The following PDK1 variants were observed in gnomAD, a reference collection of about 807,000 sequenced individuals.
The protein encoded by PDK1 is pyruvate dehydrogenase kinase 1.
PDK1 carries 39 observed loss-of-function variants against 54.2 expected under a neutral mutation model. The ratio of observed to expected loss-of-function variants is 0.72; its 90% confidence interval spans 0.56 to 0.94. The LOEUF is 0.94. Ranked by LOEUF, PDK1 falls within the 40% of genes least tolerant of loss-of-function variation. The pLI, the probability that PDK1 is intolerant of heterozygous loss-of-function variation, is 0.00. For synonymous variants in PDK1, 221 were observed against 207.1 expected, an observed-to-expected ratio of 1.07 and a Z score of -0.58; for missense variants, 552 against 566.0, an observed-to-expected ratio of 0.98 and a Z score of 0.25.
At chr2:172,579,880 C>T (rs1277924318) in intron 8 of PDK1, among the ~76,000 whole-genome samples, 1 of 151,904 alleles carries the variant, frequency 6.6e-6, no homozygotes, top group Admixed American at 6.6e-5. Flanking sequence ...GGATGTTGGG[C>T]TTCATGACAT....
At chr2:172,611,839 A>G (rs1691473180), downstream of PDK1, among the ~76,000 whole-genome samples, 1 of 152,264 alleles carries the variant, frequency 6.6e-6, no homozygotes, top group African/African-American at 2.4e-5. Flanking sequence ...CAAAATTCAC[A>G]TCTATTCAAA....
At chr2:172,631,612 G>T in the PDK1 span, among the ~76,000 whole-genome samples, 996 of 152,248 alleles carry the variant, frequency 6.5e-3, 10 homozygotes, top group African/African-American at 0.022. Context: ...TGAGTAAAAA[G>T]ATCTCACAGA....
chr2:172,671,216 G>A, the PDK1 span, among the ~76,000 whole-genome samples: 1 of 151,044 alleles, frequency 6.6e-6, no homozygotes, highest in East Asian at 1.9e-4. Flanking sequence ...CGTCATCCTA[G>A]TCTTTGTTAA....
Position 172,592,849 on chromosome 2 carries a change from G to A in PDK1, c.1057-86G>A, listed in dbSNP as rs543084854. On this transcript the variant is annotated intron_variant, in intron 9 of 10. Coordinates refer to ENST00000282077, the MANE Select transcript of PDK1 (RefSeq NM_002610.5). ...CTCAGATGCGGGCTCTGATAGCCCC[G>A]TGGTACTCAATGGCATCTATCTTAA... 468 of 693,526 alleles carry A rather than the reference G, an allele frequency of 6.7e-4. 3 individuals carry two copies. The South Asian group carries it at 7.0e-3, about 10-fold the overall frequency. 43.0% of individuals were successfully genotyped at this position (693,526 alleles called of 1,614,324 possible). A position where few individuals can be genotyped will look rare whatever the true frequency, so the allele number is the denominator to read the frequency against.
At chr2:172,568,860 G>A in intron 7 of PDK1, 43 bp downstream of exon 7, 1 of 1,213,514 alleles carries the variant, frequency 8.2e-7, no homozygotes, top group Non-Finnish European at 1.2e-6. Flanking sequence ...GTACTTTTCT[G>A]AGGTTAGGAA....
chr2:172,692,823 T>C, the PDK1 span, among the ~76,000 whole-genome samples: 1 of 152,224 alleles, frequency 6.6e-6, no homozygotes, highest in South Asian at 2.1e-4. Context: ...GGGCCACCTA[T>C]GGTTGCACAC....
the PDK1 span, among the ~76,000 whole-genome samples, chr2:172,705,754 C>T: frequency 2.0e-5 from 3 of 152,348 alleles, no homozygotes; most frequent in South Asian, 6.2e-4. Flanking sequence ...CCATTACCCT[C>T]TGTTTGAAAA....
At chr2:172,587,540 T>C (rs1049693317) in intron 9 of PDK1, among the ~76,000 whole-genome samples, 4 of 151,744 alleles carry the variant, frequency 2.6e-5, no homozygotes, top group Non-Finnish European at 1.5e-5. Flanking sequence ...TCGCGGTGAG[T>C]GTTACAGCTC....
chr2:172,652,907 A>G, the PDK1 span, among the ~76,000 whole-genome samples: 17 of 152,332 alleles, frequency 1.1e-4, no homozygotes, highest in Admixed American at 3.9e-4. Flanking sequence ...AAGGTAATTT[A>G]TAGATTCAAT....
the PDK1 span, among the ~76,000 whole-genome samples, chr2:172,698,847 T>G: frequency 6.6e-6 from 1 of 151,870 alleles, no homozygotes; most frequent in Non-Finnish European, 1.5e-5. Context: ...TGCAGGAGAG[T>G]CTCAGGTACT....
the PDK1 span, among the ~76,000 whole-genome samples, chr2:172,689,738 A>G: frequency 1.3e-5 from 2 of 151,132 alleles, no homozygotes; most frequent in African/African-American, 4.8e-5. Context: ...TGACAAAAAC[A>G]AGAAATGGGC....
At chr2:172,621,918 A>ATATATGATATATGTTTATATCTCC in the PDK1 span, among the ~76,000 whole-genome samples, 4 of 141,664 alleles carry the variant, frequency 2.8e-5, no homozygotes, top group African/African-American at 1.1e-4. Flanking sequence ...TATATCTCCT[A>ATATATGATATATGTTTATATCTCC]TATGATATAT....
chr2:172,680,253 T>C, the PDK1 span, among the ~76,000 whole-genome samples: 1 of 152,350 alleles, frequency 6.6e-6, no homozygotes, highest in Non-Finnish European at 1.5e-5. Flanking sequence ...TTCTATTTTG[T>C]TCATCATTGA....
chr2:172,622,293 TGA>T, the PDK1 span, among the ~76,000 whole-genome samples: 5 of 148,584 alleles, frequency 3.4e-5, no homozygotes, highest in African/African-American at 9.9e-5. Context: ...ATATATTATG[TGA>T]GATATGTTTA....
At chr2:172,590,980 C>G (rs1690542563) in intron 9 of PDK1, among the ~76,000 whole-genome samples, 1 of 152,160 alleles carries the variant, frequency 6.6e-6, no homozygotes, top group Non-Finnish European at 1.5e-5. Context: ...ACCGCTGTAG[C>G]TACTTCTTGC....
At chr2:172,621,649 T>TGTTTATATATC in the PDK1 span, among the ~76,000 whole-genome samples, 3 of 133,676 alleles carry the variant, frequency 2.2e-5, no homozygotes, top group Admixed American at 1.7e-4. Flanking sequence ...ATATATCATA[T>TGTTTATATATC]ATGTTTATCA....
At chr2:172,635,379 G>A in the PDK1 span, among the ~76,000 whole-genome samples, 7 of 152,140 alleles carry the variant, frequency 4.6e-5, no homozygotes, top group African/African-American at 1.4e-4. Flanking sequence ...GCAATGGTGC[G>A]ATCTTGGCTC....
the PDK1 span, among the ~76,000 whole-genome samples, chr2:172,624,768 G>A: frequency 6.6e-6 from 1 of 152,158 alleles, no homozygotes; most frequent in East Asian, 1.9e-4. Flanking sequence ...GGAGGCCGAG[G>A]TGGGCGGATC....
At chr2:172,705,784 AC>A in the PDK1 span, among the ~76,000 whole-genome samples, 2 of 152,270 alleles carry the variant, frequency 1.3e-5, no homozygotes, top group African/African-American at 2.4e-5. Context: ...AAGAATATTT[AC>A]AAAACAGTTG....
Sources: gnomAD v4.1 joint callset for allele counts (sites outside exome capture counted in the v4.1 genomes callset) on GRCh38, gnomAD v4.1.1 for gene constraint, MANE v1.5 for transcripts, NCBI Gene and HGNC (gene_info 2026-07-23, HGNC 2026-07-21) for gene names.